PRDM1: variants seen among roughly 807,000 people sequenced by gnomAD.
PRDM1 encodes PR/SET domain 1.
A neutral mutation model predicts 62.8 loss-of-function variants in PRDM1; 13 were observed. The ratio of observed to expected loss-of-function variants is 0.21; its 90% CI spans 0.13 to 0.33. PRDM1 has a LOEUF of 0.33. Among genes scored for constraint, PRDM1 ranks in the 10% least tolerant of loss-of-function variants. The pLI, the probability that PRDM1 is intolerant of heterozygous loss-of-function variation, is 1.00. For synonymous variants in PRDM1, 396 were observed against 417.6 expected, an observed-to-expected ratio of 0.95 and a Z score of 0.63; for missense variants, 895 against 1,058.8, an observed-to-expected ratio of 0.85 and a Z score of 2.15.
intron 1 of PRDM1, among the ~76,000 whole-genome samples, chr6:106,001,609 C>A (rs1380114138): frequency 6.6e-6 from 1 of 152,132 alleles, no homozygotes; most frequent in Non-Finnish European, 1.5e-5. Flanking sequence ...CCTTTCCTTG[C>A]ACTTTTAAAA....
At chr6:106,093,307 G>T (rs1315576103) in intron 2 of PRDM1, among the ~76,000 whole-genome samples, 1 of 152,176 alleles carries the variant, frequency 6.6e-6, no homozygotes, top group African/African-American at 2.4e-5. Context: ...ATGGCAATTT[G>T]GAAGAAGAAC....
intron 1 of PRDM1, among the ~76,000 whole-genome samples, chr6:106,022,856 A>G (rs1028722307): frequency 2.0e-5 from 3 of 152,244 alleles, no homozygotes; most frequent in African/African-American, 7.2e-5. Context: ...GTGCCCGGCC[A>G]TAAATGAAAT....
chr6:106,044,701 G>A (rs1318301454), upstream of PRDM1, among the ~76,000 whole-genome samples: 2 of 152,156 alleles, frequency 1.3e-5, no homozygotes, highest in Admixed American at 6.6e-5. Flanking sequence ...TGATTGTTAA[G>A]CTCAGATGTA....
intron 1 of PRDM1, among the ~76,000 whole-genome samples, chr6:106,076,064 A>T (rs1022593554): frequency 6.6e-6 from 1 of 151,482 alleles, no homozygotes; most frequent in African/African-American, 2.4e-5. Flanking sequence ...CCATCCTCCA[A>T]CCTCAGCCTC....
intron 4 of PRDM1, among the ~76,000 whole-genome samples, chr6:106,101,180 AC>A (rs146681059): frequency 0.014 from 2,066 of 152,270 alleles, 50 homozygotes; most frequent in African/African-American, 0.047. Flanking sequence ...GGGTCTCCTT[AC>A]ATTCCTTGAG....
chr6:105,993,693 G>A (rs1772311078), intron 1 of PRDM1, among the ~76,000 whole-genome samples: 3 of 152,200 alleles, frequency 2.0e-5, no homozygotes, highest in African/African-American at 7.2e-5. Context: ...AAAGAATCAA[G>A]GGTAGGGGAC....
intron 1 of PRDM1, 146 bp downstream of exon 1, chr6:106,086,741 A>G: frequency 1.5e-6 from 1 of 685,476 alleles, no homozygotes. Flanking sequence ...AGTGCTGTCA[A>G]ACATTTGTGA....
chr6:106,109,620 C>G lies in PRDM1; in HGVS notation c.*2134C>G. 1 of 233,448 alleles carries G rather than the reference C, an allele frequency of 4.3e-6. No homozygotes were observed. Among genetic ancestry groups the G allele is most frequent in the African/African-American group, 2.2e-5 (1 of 45,448 alleles). The allele number at this position is 233,448 out of a possible 1,614,324, so 14.5% of individuals were successfully genotyped here. On this transcript the variant is annotated 3_prime_UTR_variant, in exon 7 of 7. Coordinates refer to ENST00000369096, the MANE Select transcript of PRDM1 (RefSeq NM_001198.4). ...CCAAAGCATCACGTTGACATTAGAC[C>G]AAATACTTTTGATTCCCAACTACTC...
At chr6:106,059,204 TA>T (rs1257713138) in intron 1 of PRDM1, among the ~76,000 whole-genome samples, 1 of 151,862 alleles carries the variant, frequency 6.6e-6, no homozygotes, top group East Asian at 1.9e-4. Context: ...TCAGGTAAGA[TA>T]AAAAAGAGTG....
chr6:106,010,440 A>C (rs757081645), intron 1 of PRDM1, among the ~76,000 whole-genome samples: 6 of 152,188 alleles, frequency 3.9e-5, no homozygotes, highest in Non-Finnish European at 8.8e-5. Flanking sequence ...CAAGAAATCT[A>C]TGGTTATGGA....
rs1469551872 is a variant in PRDM1, at chr6:106,105,290, T to G, written c.1130T>G (p.Leu377Trp). The G allele has an allele frequency of 1.2e-6, 2 of 1,613,640 alleles. No homozygotes were observed. Among genetic ancestry groups the G allele is most frequent in the Non-Finnish European group, 1.7e-6 (2 of 1,179,860 alleles). ...GAGCACCGGGACTCCTACGCTTACT[T>G]GAACGCGTCCTACGGCACGGAAGGT... is the stretch of plus-strand genomic sequence containing the variant. ...SQEHRDSYAY[L>W]NASYGTEGLG... Residue 377 changes from leucine to tryptophan, a missense_variant, in exon 5 of 7, where the codon TTG (leucine) becomes TGG (tryptophan). Leu to Trp is a moderately conservative substitution (Grantham distance 61). Coordinates refer to ENST00000369096, the MANE Select transcript of PRDM1 (RefSeq NM_001198.4).
chr6:106,093,887 A>G (rs1177778304), intron 2 of PRDM1, among the ~76,000 whole-genome samples: 2 of 152,220 alleles, frequency 1.3e-5, no homozygotes, highest in Non-Finnish European at 2.9e-5. Flanking sequence ...AACTTATGTT[A>G]GGTGTAGGAA....
chr6:106,095,888 A>G, intron 3 of PRDM1, 154 bp downstream of exon 3: 1 of 785,044 alleles, frequency 1.3e-6, no homozygotes, highest in Non-Finnish European at 2.0e-6. Context: ...ATTCTGAACA[A>G]ATGTGATGAA....
chr6:106,020,593 C>G (rs1483553786), intron 1 of PRDM1, among the ~76,000 whole-genome samples: 1 of 152,164 alleles, frequency 6.6e-6, no homozygotes, highest in African/African-American at 2.4e-5. Context: ...TTATATAGAC[C>G]AACCTGGATC....
chr6:106,096,734 T>C (rs576804596), intron 3 of PRDM1, among the ~76,000 whole-genome samples: 2 of 152,294 alleles, frequency 1.3e-5, no homozygotes, highest in South Asian at 2.1e-4. Flanking sequence ...ACCAATTAGA[T>C]GGAATCCTTG....
intron 1 of PRDM1, among the ~76,000 whole-genome samples, chr6:106,009,539 G>A (rs563926061): frequency 2.4e-4 from 37 of 152,066 alleles, no homozygotes; most frequent in African/African-American, 8.4e-4. Context: ...GGGGGGAAAG[G>A]GTGTGCAAGA....
chr6:106,100,647 A>AGAT (rs1235910033), intron 4 of PRDM1: 1 of 152,216 alleles, frequency 6.6e-6, no homozygotes, highest in East Asian at 1.9e-4. Flanking sequence ...TACTTACCCT[A>AGAT]GTCATATATA....
chr6:106,027,906 A>C (rs949614650), intron 1 of PRDM1, among the ~76,000 whole-genome samples: 5 of 152,160 alleles, frequency 3.3e-5, no homozygotes, highest in Non-Finnish European at 5.9e-5. Context: ...TTAGCTCATT[A>C]CACATGATCC....
chr6:106,109,256 A>G lies in PRDM1; in HGVS notation c.*1770A>G, dbSNP rs1249922518. ...ACAAAACAACCAGGGAGGAAGAGATACATCATTTTTTAGTATTAAGGACCA... is the reference window on the plus strand; with the variant it reads ...ACAAAACAACCAGGGAGGAAGAGATGCATCATTTTTTAGTATTAAGGACCA... On this transcript the variant is annotated 3_prime_UTR_variant, in exon 7 of 7. Coordinates refer to ENST00000369096, the MANE Select transcript of PRDM1 (RefSeq NM_001198.4). 4.3e-6 allele frequency: 1 copy of G among 232,288 alleles called. No individual in the cohort carries two copies. The highest frequency in any genetic ancestry group is 2.2e-5 in the African/African-American group (1 of 45,268). The allele number at this position is 232,288 out of a possible 1,614,324, so 14.4% of individuals were successfully genotyped here.
Sources: gnomAD v4.1 joint callset for allele counts (sites outside exome capture counted in the v4.1 genomes callset) on GRCh38, gnomAD v4.1.1 for gene constraint, MANE v1.5 for transcripts, NCBI Gene and HGNC (gene_info 2026-07-23, HGNC 2026-07-21) for gene names.